Variants in ARHGAP20 observed in about 807,000 individuals in gnomAD.
ARHGAP20 encodes the protein rho GTPase-activating protein 20.
In ARHGAP20, 34 loss-of-function variants were observed where a neutral mutation model predicts 73.7. That is an observed-to-expected ratio of 0.46 (90% CI 0.35 to 0.61). The LOEUF (loss-of-function observed/expected upper bound fraction) is 0.61, where lower values mean the gene tolerates loss of function less well. Among genes scored for constraint, ARHGAP20 ranks in the 20% least tolerant of loss-of-function variants. ARHGAP20 has a pLI of 0.00. For missense variants in ARHGAP20, 1,314 were observed against 1,420.9 expected (o/e 0.92, Z 1.21); for synonymous variants, 523 against 518.2 (o/e 1.01, Z -0.13).
intron 9 of ARHGAP20, among the ~76,000 whole-genome samples, chr11:110,596,477 A>G (rs372235173): frequency 0.061 from 9,322 of 151,746 alleles, 364 homozygotes; most frequent in Non-Finnish European, 0.086. Context: ...AAAAGTGGGC[A>G]AAGGATATGA....
chr11:110,658,196 T>G (rs1002212157), intron 2 of ARHGAP20, among the ~76,000 whole-genome samples: 2 of 152,204 alleles, frequency 1.3e-5, no homozygotes, highest in Non-Finnish European at 2.9e-5. Flanking sequence ...TGAGATAATC[T>G]AAGTAAGGCA....
chr11:110,624,065 T>C (rs1256757368), intron 4 of ARHGAP20, 97 bp downstream of exon 4: 11 of 1,435,796 alleles, frequency 7.7e-6, no homozygotes, highest in Admixed American at 2.8e-5. Context: ...CTCTTAAAAA[T>C]TAGAGGAACA....
At chr11:110,586,719 G>A (rs1947677949) in intron 11 of ARHGAP20, among the ~76,000 whole-genome samples, 1 of 152,126 alleles carries the variant, frequency 6.6e-6, no homozygotes, top group Non-Finnish European at 1.5e-5. Context: ...TTCATTGTCT[G>A]GTAGTCATTC....
chr11:110,711,997 G>A, intron 1 of ARHGAP20, 130 bp downstream of exon 1: 1 of 1,239,802 alleles, frequency 8.1e-7, no homozygotes, highest in Non-Finnish European at 1.0e-6. Context: ...TCTCATTAGG[G>A]GCCGCGAGCC....
intron 11 of ARHGAP20, chr11:110,589,281 T>C (rs1486306959): frequency 2.3e-6 from 1 of 437,334 alleles, no homozygotes; most frequent in African/African-American, 2.1e-5. Flanking sequence ...ACAGATGAGG[T>C]GACCTTAGCT....
chr11:110,582,278 T>C (rs61902265), intron 14 of ARHGAP20, 43 bp downstream of exon 14: 103 of 1,450,404 alleles, frequency 7.1e-5, no homozygotes, highest in Admixed American at 2.2e-4. Context: ...CAAACAACCA[T>C]GTGTCTGTTT....
chr11:110,683,098 G>T (rs1158918308), intron 2 of ARHGAP20, among the ~76,000 whole-genome samples: 1 of 152,110 alleles, frequency 6.6e-6, no homozygotes, highest in African/African-American at 2.4e-5. Flanking sequence ...CTTAAAAGTG[G>T]TAACAGGTTG....
intron 11 of ARHGAP20, among the ~76,000 whole-genome samples, chr11:110,586,847 T>C (rs191680980): frequency 6.6e-6 from 1 of 152,336 alleles, no homozygotes; most frequent in African/African-American, 2.4e-5. Flanking sequence ...TCCAGTGTTA[T>C]TAGTGCAAAA....
At chr11:110,666,639 C>A (rs115646283) in intron 2 of ARHGAP20, among the ~76,000 whole-genome samples, 2,766 of 152,264 alleles carry the variant, frequency 0.018, 78 homozygotes, top group African/African-American at 0.062. Flanking sequence ...CTGCATCAAG[C>A]AAGTCTATCA....
chr11:110,577,898 TG>T lies in ARHGAP20; in HGVS notation c.*1471del, dbSNP rs773320685. 882 of 985,656 alleles carry T rather than the reference TG, an allele frequency of 8.9e-4. 1 individual carries two copies. The highest frequency in any genetic ancestry group is 1.3e-3 in the Admixed American group (21 of 16,272). The allele number at this position is 985,656 out of a possible 1,614,324, so 61.1% of individuals were successfully genotyped here. On this transcript the variant is annotated 3_prime_UTR_variant, in exon 15 of 15. Coordinates refer to ENST00000683387, the MANE Select transcript of ARHGAP20 (RefSeq NM_001384657.1). ...AACAAAAAAGAAAGAACATTTGATA[TG>T]ACCATTTTCTGGTGATTAATAAGAC...
chr11:110,585,239 A>G (rs973019749), intron 12 of ARHGAP20, among the ~76,000 whole-genome samples: 2 of 151,622 alleles, frequency 1.3e-5, no homozygotes, highest in Non-Finnish European at 3.0e-5. Flanking sequence ...TTTAAACAAA[A>G]TATTTCACGT....
chr11:110,712,049 G>C, intron 1 of ARHGAP20, 78 bp downstream of exon 1: 1 of 1,246,064 alleles, frequency 8.0e-7, no homozygotes, highest in Non-Finnish European at 1.0e-6. Context: ...GCGCGCTGCT[G>C]TGGCGGGCGC....
At chr11:110,616,427 T>C (rs326943) in intron 4 of ARHGAP20, among the ~76,000 whole-genome samples, 31,422 of 151,998 alleles carry the variant, frequency 0.21, 4,191 homozygotes, top group African/African-American at 0.38. Flanking sequence ...GGCTGGAGTA[T>C]AGAGGCATGA....
rs891645169 is a variant in ARHGAP20, at chr11:110,577,065, CATTTT to C, written c.*2300_*2304del. 25 of 1,465,282 alleles carry C rather than the reference CATTTT, an allele frequency of 1.7e-5. No homozygotes were observed. The highest frequency in any genetic ancestry group is 4.2e-5 in the Admixed American group (2 of 47,714). The allele number at this position is 1,465,282 out of a possible 1,614,324, so 90.8% of individuals were successfully genotyped here. On this transcript the variant is annotated 3_prime_UTR_variant, in exon 15 of 15. Transcript: ENST00000683387. ...TGGGATGGTTAATTCTGCAGAATGG[CATTTT>C]ATTTAACAGACAGCATGGACTTCAT...
At chr11:110,609,696 T>C (rs998330033) in intron 7 of ARHGAP20, among the ~76,000 whole-genome samples, 4 of 152,168 alleles carry the variant, frequency 2.6e-5, no homozygotes, top group Non-Finnish European at 5.9e-5. Context: ...CTGAATCCTC[T>C]AGGAGGGATG....
At chr11:110,599,715 C>T (rs1332787089) in intron 9 of ARHGAP20, among the ~76,000 whole-genome samples, 1 of 152,178 alleles carries the variant, frequency 6.6e-6, no homozygotes, top group Non-Finnish European at 1.5e-5. Context: ...CCATAAAACC[C>T]CTAGGCTCAG....
chr11:110,670,090 A>C lies in ARHGAP20; in HGVS notation c.188+20457T>G, dbSNP rs1461778640. On this transcript the variant is annotated intron_variant, in intron 2 of 14. Coordinates refer to ENST00000683387, the MANE Select transcript of ARHGAP20 (RefSeq NM_001384657.1). The stretch of plus-strand genomic sequence containing the variant: ...GCAGTATCAAGGAAGGATGGATTGC[A>C]AAGGCGCACAAGGAAACCTTTGGAG... Among the ~76,000 whole-genome samples the C allele has an allele frequency of 2.6e-5, 4 of 152,276 alleles. No individual in the cohort carries two copies. The South Asian group carries it at 8.3e-4, about 32-fold the overall frequency.
chr11:110,646,562 T>TA (rs1030145681), intron 2 of ARHGAP20, among the ~76,000 whole-genome samples: 5 of 151,984 alleles, frequency 3.3e-5, no homozygotes, highest in East Asian at 3.9e-4. Context: ...TTCTCAGAAA[T>TA]AAAAAAAACA....
At chr11:110,660,061 C>CAAAAAAAAA (rs746439426) in intron 2 of ARHGAP20, among the ~76,000 whole-genome samples, 3 of 69,240 alleles carry the variant, frequency 4.3e-5, no homozygotes, top group South Asian at 5.4e-4. Flanking sequence ...TAATAAAAAA[C>CAAAAAAAAA]AAAAAAAAAA....
Sources: gnomAD v4.1 joint callset for allele counts (sites outside exome capture counted in the v4.1 genomes callset) on GRCh38, gnomAD v4.1.1 for gene constraint, MANE v1.5 for transcripts, NCBI Gene and HGNC (gene_info 2026-07-23, HGNC 2026-07-21) for gene names.